BTBD9: variants seen among roughly 807,000 people sequenced by gnomAD.
BTBD9 encodes the protein BTB/POZ domain-containing protein 9.
Under a neutral mutation model 64.3 loss-of-function variants are expected in BTBD9, and 49 were observed. The ratio of observed to expected loss-of-function variants is 0.76; its 90% CI spans 0.61 to 0.97. The LOEUF (loss-of-function observed/expected upper bound fraction) is 0.97. BTBD9 is among the 50% of genes least tolerant of loss of function. The pLI, the probability that BTBD9 is intolerant of heterozygous loss-of-function variation, is 0.00. For missense variants in BTBD9, 598 were observed against 762.1 expected (o/e 0.78, Z 2.53); for synonymous variants, 260 against 274.7 (o/e 0.95, Z 0.53).
At chr6:38,318,408 G>C (rs913380456) in intron 7 of BTBD9, among the ~76,000 whole-genome samples, 2 of 152,160 alleles carry the variant, frequency 1.3e-5, no homozygotes, top group Non-Finnish European at 2.9e-5. Context: ...TTCTTGGGAA[G>C]GTTTTCCAGG....
At position 38,524,632 on chromosome 6, in the gene BTBD9, T is replaced by C. The variant is rs1257034673; in HGVS notation, c.1154+52968A>G. 7.4e-5 allele frequency among the ~76,000 whole-genome samples: 10 copies of C among 134,444 alleles called. No homozygotes were observed. In the South Asian group the frequency reaches 2.5e-3, roughly 34 times the overall value. The allele number at this position is 134,444 out of a possible 152,430, so 88.2% of individuals were successfully genotyped here. A position where few individuals can be genotyped will look rare whatever the true frequency, so the allele number is the denominator to read the frequency against. ...TACACAATGACTAAATAACATAGGG[T>C]TATTTAGTTCTATCCATTTAGAAAC... On this transcript the variant is annotated intron_variant, in intron 6 of 10. Transcript: ENST00000481247.
intron 10 of BTBD9, among the ~76,000 whole-genome samples, chr6:38,176,817 G>A (rs924648306): frequency 1.3e-5 from 2 of 152,146 alleles, no homozygotes; most frequent in Non-Finnish European, 1.5e-5. Flanking sequence ...TAACAACACC[G>A]CCCTGGGCAT....
At position 38,454,813 on chromosome 6, in the gene BTBD9, A is replaced by C. The variant is rs373085378; in HGVS notation, c.1155-109720T>G. ...AAGACTCTGTCTCTTAAAAAAAAAA[A>C]AAACACTAAATTTCAGAAATAATCA... On this transcript the variant is annotated intron_variant, in intron 6 of 10. Transcript: ENST00000481247. Among the ~76,000 whole-genome samples, 148 of 151,878 alleles carry C rather than the reference A, an allele frequency of 9.7e-4. 2 individuals are homozygous for C. The South Asian group carries it at 0.018, about 19-fold the overall frequency.
At chr6:38,341,665 G>T (rs4711536) in intron 7 of BTBD9, among the ~76,000 whole-genome samples, 2 of 152,222 alleles carry the variant, frequency 1.3e-5, no homozygotes, top group Non-Finnish European at 2.9e-5. Context: ...GAACATTTAT[G>T]AAATAGCAGT....
intron 9 of BTBD9, among the ~76,000 whole-genome samples, chr6:38,222,669 T>A (rs1763253266): frequency 6.6e-6 from 1 of 152,088 alleles, no homozygotes; most frequent in Admixed American, 6.5e-5. Context: ...TCTCTGTCTC[T>A]CAAAAACAGA....
chr6:38,427,153 G>A (rs1582411944), intron 6 of BTBD9, among the ~76,000 whole-genome samples: 2 of 150,438 alleles, frequency 1.3e-5, no homozygotes, highest in African/African-American at 4.9e-5. Context: ...TTCAGCCATA[G>A]CTGAATATTA....
intron 6 of BTBD9, among the ~76,000 whole-genome samples, chr6:38,397,841 G>A (rs1293926352): frequency 6.6e-6 from 1 of 152,240 alleles, no homozygotes; most frequent in African/African-American, 2.4e-5. Context: ...AATGAGATGG[G>A]AGTAAGGAAG....
At chr6:38,264,351 CAG>C (rs1764898672) in intron 8 of BTBD9, among the ~76,000 whole-genome samples, 1 of 152,098 alleles carries the variant, frequency 6.6e-6, no homozygotes, top group Admixed American at 6.5e-5. Flanking sequence ...ATGTTCAGAA[CAG>C]AGAGAGACTG....
intron 6 of BTBD9, among the ~76,000 whole-genome samples, chr6:38,568,531 C>T (rs1775621090): frequency 1.3e-5 from 2 of 152,184 alleles, no homozygotes; most frequent in South Asian, 2.1e-4. Context: ...ATTTAGAAGC[C>T]CTCAGGTCCT....
chr6:38,351,516 T>TTTTG (rs1317222973), intron 6 of BTBD9, among the ~76,000 whole-genome samples: 3 of 144,174 alleles, frequency 2.1e-5, no homozygotes, highest in South Asian at 2.3e-4. Context: ...TGTTTTTTTT[T>TTTTG]TTTTTTTTTT....
rs146378049 is a variant in BTBD9 at position 38,448,342 on chromosome 6, G to A, written c.1155-103249C>T. 4.4e-4 allele frequency among the ~76,000 whole-genome samples: 67 copies of A among 152,222 alleles called. 1 individual carries two copies. The East Asian group carries it at 0.012, about 28-fold the overall frequency. ...AATGCAATGTAAGAGGGAAGGTGAC[G>A]GTGGGAGATAAATATTTTTGTAAGC... On this transcript the variant is annotated intron_variant, in intron 6 of 10. Transcript: ENST00000481247.
intron 9 of BTBD9, among the ~76,000 whole-genome samples, chr6:38,222,303 C>T (rs1763232908): frequency 7.1e-6 from 1 of 141,618 alleles, no homozygotes; most frequent in Admixed American, 7.4e-5. Flanking sequence ...CTCTGTCACC[C>T]AGGCTGGAAT....
chr6:38,209,726 T>C (rs1043233906), intron 9 of BTBD9, among the ~76,000 whole-genome samples: 8 of 152,194 alleles, frequency 5.3e-5, no homozygotes, highest in South Asian at 2.1e-4. Flanking sequence ...CTTGCTAGCA[T>C]GGACATGTGG....
chr6:38,249,923 A>G (rs1368621875), intron 9 of BTBD9, among the ~76,000 whole-genome samples: 1 of 152,216 alleles, frequency 6.6e-6, no homozygotes, highest in Non-Finnish European at 1.5e-5. Context: ...ATTACAAGGA[A>G]TAAGCCCAAT....
intron 7 of BTBD9, among the ~76,000 whole-genome samples, chr6:38,325,899 A>G (rs1227124725): frequency 1.3e-5 from 2 of 152,222 alleles, no homozygotes; most frequent in Non-Finnish European, 2.9e-5. Flanking sequence ...CTTACTGAGT[A>G]TCAGGGTTCC....
At chr6:38,336,484 G>C (rs960524605) in intron 7 of BTBD9, among the ~76,000 whole-genome samples, 2 of 152,120 alleles carry the variant, frequency 1.3e-5, no homozygotes, top group Non-Finnish European at 2.9e-5. Flanking sequence ...GGAGGGAGAA[G>C]TGCCGAAAAA....
rs1763002475 is a variant in BTBD9, at chr6:38,216,158, A to G, written c.1563-23561T>C. Among the ~76,000 whole-genome samples, 5 of 152,124 alleles carry G rather than the reference A, an allele frequency of 3.3e-5. No individual in the cohort carries two copies. The South Asian group carries it at 6.2e-4, about 19-fold the overall frequency. ...GGAAACACACTCAATTAAGAATGCAACTCTGACATTGTACAGTTTGTTGAC... is the reference window on the plus strand; with the variant it reads ...GGAAACACACTCAATTAAGAATGCAGCTCTGACATTGTACAGTTTGTTGAC... On this transcript the variant is annotated intron_variant, in intron 9 of 10. Coordinates refer to ENST00000481247, the MANE Select transcript of BTBD9 (RefSeq NM_001099272.2).
At chr6:38,532,724 C>T (rs1422275642) in intron 6 of BTBD9, among the ~76,000 whole-genome samples, 3 of 151,940 alleles carry the variant, frequency 2.0e-5, no homozygotes, top group Non-Finnish European at 2.9e-5. Context: ...ACCCAGTCCT[C>T]GAAGGATCCA....
chr6:38,180,770 G>A (rs779726600), intron 10 of BTBD9, among the ~76,000 whole-genome samples: 6 of 152,152 alleles, frequency 3.9e-5, no homozygotes, highest in Admixed American at 6.5e-5. Flanking sequence ...TTTGATTGCC[G>A]CTGCTCACAA....
Sources: gnomAD v4.1 joint callset for allele counts (sites outside exome capture counted in the v4.1 genomes callset) on GRCh38, gnomAD v4.1.1 for gene constraint, MANE v1.5 for transcripts, NCBI Gene and HGNC (gene_info 2026-07-23, HGNC 2026-07-21) for gene names.